ELAVL2: variants seen among roughly 807,000 people sequenced by gnomAD.
ELAVL2 encodes the protein ELAV like RNA binding protein 2, also known as ELAV-like protein 2.
A neutral mutation model predicts 34.6 loss-of-function variants in ELAVL2; 4 were observed. That is an observed-to-expected ratio of 0.12 (90% CI 0.06 to 0.26). ELAVL2 has a LOEUF of 0.26. Ranked by LOEUF, ELAVL2 falls within the 10% of genes least tolerant of loss-of-function variation. The pLI, the probability that ELAVL2 is intolerant of heterozygous loss-of-function variation, is 1.00. For synonymous variants in ELAVL2, 193 were observed against 154.8 expected, an observed-to-expected ratio of 1.25 and a Z score of -1.83; for missense variants, 432 against 442.8, an observed-to-expected ratio of 0.98 and a Z score of 0.22.
intron 1 of ELAVL2, chr9:23,779,303 CA>C (rs2058711876): frequency 1.0e-6 from 1 of 985,254 alleles, no homozygotes; most frequent in African/African-American, 1.7e-5. Flanking sequence ...TTCACACTGG[CA>C]AAGTGGGCAG....
chr9:23,769,916 A>C (rs902603729), intron 1 of ELAVL2, among the ~76,000 whole-genome samples: 1 of 152,170 alleles, frequency 6.6e-6, no homozygotes, highest in African/African-American at 2.4e-5. Context: ...TAGAGAGGTA[A>C]GATAATGAGT....
chr9:23,780,830 C>T (rs1256758902), intron 1 of ELAVL2, among the ~76,000 whole-genome samples: 1 of 152,172 alleles, frequency 6.6e-6, no homozygotes. Flanking sequence ...CAAGTCACAA[C>T]ACTATGTAGC....
chr9:23,824,346 TC>T (rs2065147555), intron 1 of ELAVL2, among the ~76,000 whole-genome samples: 1 of 152,156 alleles, frequency 6.6e-6, no homozygotes, highest in Non-Finnish European at 1.5e-5. Flanking sequence ...CGAGGTCTCG[TC>T]CGCCGCGGAG....
chr9:23,735,853 A>G (rs924148034), intron 2 of ELAVL2, among the ~76,000 whole-genome samples: 1 of 152,154 alleles, frequency 6.6e-6, no homozygotes, highest in Non-Finnish European at 1.5e-5. Flanking sequence ...GAAGAGGACC[A>G]AAGACTACTG....
intron 2 of ELAVL2, among the ~76,000 whole-genome samples, chr9:23,747,072 C>T (rs1471691641): frequency 6.6e-6 from 1 of 152,080 alleles, no homozygotes; most frequent in Non-Finnish European, 1.5e-5. Flanking sequence ...CAGTAGTCCT[C>T]CACCCCCTAC....
rs79434241 is a variant in ELAVL2 at position 23,774,552 on chromosome 9, T to C, written c.-15-12303A>G. 1.4e-4 allele frequency among the ~76,000 whole-genome samples: 21 copies of C among 152,320 alleles called. No homozygotes were observed. In the East Asian group the frequency reaches 3.7e-3, roughly 27 times the overall value. On this transcript the variant is annotated intron_variant, in intron 1 of 6. Transcript: ENST00000397312. Reference sequence around the variant, plus strand: ...TTTAACCCCAGACCTCCAAAGACTATGTTTAAATATACAGAGTACTAACAG... The same window carrying C: ...TTTAACCCCAGACCTCCAAAGACTACGTTTAAATATACAGAGTACTAACAG...
At chr9:23,822,536 G>T (rs1208192073) in intron 1 of ELAVL2, among the ~76,000 whole-genome samples, 1 of 152,060 alleles carries the variant, frequency 6.6e-6, no homozygotes, top group Non-Finnish European at 1.5e-5. Flanking sequence ...CCGCCCCTTC[G>T]CCAAGCTCAA....
rs1306884559 is a variant in ELAVL2, at chr9:23,708,801, T to G, written c.334-3730A>C. 7.2e-5 allele frequency among the ~76,000 whole-genome samples: 11 copies of G among 151,914 alleles called. No individual in the cohort carries two copies. The East Asian group carries it at 2.1e-3, about 29-fold the overall frequency. On this transcript the variant is annotated intron_variant, in intron 3 of 6. Transcript: ENST00000397312. ...GGATTACAGGCATGTACCACCACACTGGCTTTTTTTGTATTTTTTAGAGAC... is the reference window on the plus strand; with the variant it reads ...GGATTACAGGCATGTACCACCACACGGGCTTTTTTTGTATTTTTTAGAGAC...
intron 1 of ELAVL2, among the ~76,000 whole-genome samples, chr9:23,788,388 T>C (rs1288205611): frequency 1.3e-5 from 2 of 152,184 alleles, no homozygotes; most frequent in Non-Finnish European, 2.9e-5. Flanking sequence ...ATATGAGATA[T>C]GGCAGTCCCC....
chr9:23,804,763 C>T (rs2062004044), intron 1 of ELAVL2, among the ~76,000 whole-genome samples: 1 of 152,070 alleles, frequency 6.6e-6, no homozygotes, highest in African/African-American at 2.4e-5. Flanking sequence ...GTAGAGAGGG[C>T]ACTGGGGGAA....
intron 2 of ELAVL2, among the ~76,000 whole-genome samples, chr9:23,738,045 T>C (rs1442849798): frequency 6.6e-6 from 1 of 152,194 alleles, no homozygotes; most frequent in African/African-American, 2.4e-5. Flanking sequence ...AAACACACAA[T>C]AAAGTTGCAA....
intron 3 of ELAVL2, among the ~76,000 whole-genome samples, chr9:23,716,143 C>T (rs1231627697): frequency 1.5e-5 from 2 of 135,482 alleles, no homozygotes; most frequent in African/African-American, 2.9e-5. Flanking sequence ...GGGTGGGGAA[C>T]ATCACACACC....
chr9:23,692,373 T>C lies in ELAVL2; in HGVS notation c.*184A>G, dbSNP rs2132643029. ...TGTCCATATTCAAACATAAAAGATA[T>C]TTAAGAAGTTTTAATTCAAATACTA... On this transcript the variant is annotated 3_prime_UTR_variant, in exon 7 of 7. Transcript: ENST00000397312. The C allele has an allele frequency of 1.6e-6, 1 of 644,420 alleles. No homozygotes were observed. The highest frequency in any genetic ancestry group is 2.6e-6 in the Non-Finnish European group (1 of 389,992). 39.9% of individuals were successfully genotyped at this position (644,420 alleles called of 1,614,324 possible).
intron 2 of ELAVL2, among the ~76,000 whole-genome samples, chr9:23,752,315 C>T (rs2052301477): frequency 6.6e-6 from 1 of 152,108 alleles, no homozygotes; most frequent in Non-Finnish European, 1.5e-5. Flanking sequence ...GCTAAAAGCT[C>T]TAAGATTAGT....
chr9:23,741,184 A>T (rs1449049916), intron 2 of ELAVL2, among the ~76,000 whole-genome samples: 1 of 152,198 alleles, frequency 6.6e-6, no homozygotes, highest in Non-Finnish European at 1.5e-5. Context: ...AGGTAATAGG[A>T]ACATGGAGAA....
intron 1 of ELAVL2, among the ~76,000 whole-genome samples, chr9:23,812,215 T>G (rs1484985705): frequency 2.0e-5 from 3 of 152,138 alleles, no homozygotes; most frequent in African/African-American, 7.2e-5. Flanking sequence ...CTCAACGTTC[T>G]CAGTATCCAG....
intron 2 of ELAVL2, among the ~76,000 whole-genome samples, chr9:23,758,549 G>C (rs889996089): frequency 2.0e-4 from 31 of 152,126 alleles, no homozygotes; most frequent in African/African-American, 7.5e-4. Flanking sequence ...CTCCACTTTT[G>C]AATTTATTAT....
At chr9:23,750,842 A>T (rs1220596190) in intron 2 of ELAVL2, among the ~76,000 whole-genome samples, 2 of 152,190 alleles carry the variant, frequency 1.3e-5, no homozygotes, top group African/African-American at 2.4e-5. Flanking sequence ...GTACCCTTGG[A>T]GGCAACTCCT....
At chr9:23,799,170 T>C (rs143002656) in intron 1 of ELAVL2, among the ~76,000 whole-genome samples, 1 of 152,166 alleles carries the variant, frequency 6.6e-6, no homozygotes, top group African/African-American at 2.4e-5. Flanking sequence ...AAAATTTTTT[T>C]CCATCTCTAT....
Sources: gnomAD v4.1 joint callset for allele counts (sites outside exome capture counted in the v4.1 genomes callset) on GRCh38, gnomAD v4.1.1 for gene constraint, MANE v1.5 for transcripts, NCBI Gene and HGNC (gene_info 2026-07-23, HGNC 2026-07-21) for gene names.